Variants in FOXP1 observed in about 807,000 individuals in gnomAD.
FOXP1 encodes the protein forkhead box protein P1.
FOXP1 carries 15 observed loss-of-function variants against 98.2 expected under a neutral mutation model. The ratio of observed to expected loss-of-function variants is 0.15; its 90% confidence interval spans 0.10 to 0.24. The LOEUF (loss-of-function observed/expected upper bound fraction) is 0.24, where lower values mean the gene tolerates loss of function less well. FOXP1 is among the 10% of genes least tolerant of loss of function. FOXP1 has a pLI of 1.00. For missense variants in FOXP1, 633 were observed against 848.5 expected (o/e 0.75, Z 3.15); for synonymous variants, 371 against 314.5 (o/e 1.18, Z -1.90).
chr3:70,997,427 G>A (rs1162092127), intron 13 of FOXP1, among the ~76,000 whole-genome samples: 3 of 152,296 alleles, frequency 2.0e-5, no homozygotes, highest in East Asian at 1.9e-4. Flanking sequence ...ACTGTACTGT[G>A]TCCCAAATGC....
chr3:71,029,984 A>G (rs1029094590), intron 11 of FOXP1, among the ~76,000 whole-genome samples: 1 of 152,224 alleles, frequency 6.6e-6, no homozygotes, highest in Non-Finnish European at 1.5e-5. Context: ...ACTAAAACAT[A>G]TATTAACTCA....
Position 71,151,052 on chromosome 3 carries a change from G to T in FOXP1, c.181-38415C>A, listed in dbSNP as rs116662260. On this transcript the variant is annotated intron_variant, in intron 6 of 20. Coordinates refer to ENST00000649528, the MANE Select transcript of FOXP1 (RefSeq NM_001349338.3). ...AGCTGCTTACCTTACTGGTTTAAGA[G>T]CACTGGCTTTAGCACCTACCACACC... 3.0e-3 allele frequency among the ~76,000 whole-genome samples: 458 copies of T among 152,282 alleles called. 1 individual carries two copies. The highest frequency in any genetic ancestry group is 0.01 in the African/African-American group (426 of 41,528).
At chr3:71,573,040 A>C (rs2047455390) in intron 2 of FOXP1, among the ~76,000 whole-genome samples, 1 of 152,194 alleles carries the variant, frequency 6.6e-6, no homozygotes, top group Admixed American at 6.5e-5. Context: ...AATCCAATAT[A>C]AAATCTATTC....
chr3:71,222,403 C>T (rs148656993), intron 5 of FOXP1, among the ~76,000 whole-genome samples: 2 of 152,048 alleles, frequency 1.3e-5, no homozygotes, highest in African/African-American at 2.4e-5. Context: ...ACCCTTCACT[C>T]CCTTGGTATT....
intron 6 of FOXP1, among the ~76,000 whole-genome samples, chr3:71,175,395 C>T (rs2061886002): frequency 6.6e-6 from 1 of 152,222 alleles, no homozygotes; most frequent in Admixed American, 6.5e-5. Context: ...GGAATGGAGG[C>T]TCCCTGCCTC....
At chr3:71,564,605 T>G (rs2046774262) in intron 2 of FOXP1, among the ~76,000 whole-genome samples, 1 of 152,234 alleles carries the variant, frequency 6.6e-6, no homozygotes, top group African/African-American at 2.4e-5. Context: ...CTGACACACA[T>G]GACCACATTG....
chr3:71,112,567 G>A lies in FOXP1; in HGVS notation c.251C>T (p.Pro84Leu), dbSNP rs1337409401. ...AGCTGGTTGTTTGTCATTCCTCTTG[G>A]GAGATTTTAATCCACTAACTTGCTG... ...QQQQVSGLKS[P>L]KRNDKQPALQ... The change falls in exon 7 of 21, where the codon CCC (proline) becomes CTC (leucine). Residue 84 changes from proline to leucine, a missense_variant. Transcript: ENST00000649528. 2.5e-6 allele frequency: 4 copies of A among 1,613,930 alleles called. No individual in the cohort carries two copies. The highest frequency in any genetic ancestry group is 2.2e-5 in the South Asian group (2 of 91,068).
intron 4 of FOXP1, among the ~76,000 whole-genome samples, chr3:71,309,835 T>C (rs963481969): frequency 2.6e-5 from 4 of 151,912 alleles, no homozygotes; most frequent in African/African-American, 9.7e-5. Context: ...GACATATCTG[T>C]TCAGCCTCAA....
rs933245054 is a variant in FOXP1 at position 71,465,179 on chromosome 3, T to C, written c.-168+28247A>G. On this transcript the variant is annotated intron_variant, in intron 3 of 20. Transcript: ENST00000649528. ...AAAATTAGCTGGGCGTGGTGGCACATGTCTGTAATCCCGGCTACTTGGGAG... is the reference window on the plus strand; with the variant it reads ...AAAATTAGCTGGGCGTGGTGGCACACGTCTGTAATCCCGGCTACTTGGGAG... Among the ~76,000 whole-genome samples, 8 of 151,868 alleles carry C rather than the reference T, an allele frequency of 5.3e-5. No homozygotes were observed. In the East Asian group the frequency reaches 1.6e-3, roughly 29 times the overall value.
At chr3:71,220,975 C>T (rs1365558813) in intron 5 of FOXP1, among the ~76,000 whole-genome samples, 1 of 150,600 alleles carries the variant, frequency 6.6e-6, no homozygotes, top group Non-Finnish European at 1.5e-5. Flanking sequence ...TAGACTTAGA[C>T]ACACATATAT....
At chr3:71,573,567 T>G (rs1038875084) in intron 2 of FOXP1, 5 of 152,160 alleles carry the variant, frequency 3.3e-5, no homozygotes, top group Non-Finnish European at 5.9e-5. Flanking sequence ...GAAAATAAGA[T>G]GAACACATTT....
Position 71,313,206 on chromosome 3 carries a change from C to T in FOXP1, c.-72-13326G>A, listed in dbSNP as rs184794793. On this transcript the variant is annotated intron_variant, in intron 4 of 20. Coordinates refer to ENST00000649528, the MANE Select transcript of FOXP1 (RefSeq NM_001349338.3). ...TCCCGAGTAGCTAGGAATACAGGCG[C>T]CCGCCACCACGCCCAGCTAATTTTT... is the stretch of plus-strand genomic sequence containing the variant. 1.6e-3 allele frequency among the ~76,000 whole-genome samples: 239 copies of T among 151,418 alleles called. 4 individuals carry two copies. Among genetic ancestry groups the T allele is most frequent in the African/African-American group, 5.6e-3 (233 of 41,280 alleles).
At chr3:71,283,638 G>A (rs1410252708) in intron 5 of FOXP1, among the ~76,000 whole-genome samples, 1 of 152,176 alleles carries the variant, frequency 6.6e-6, no homozygotes, top group Non-Finnish European at 1.5e-5. Context: ...TACTCTTACT[G>A]TGCTAAGTGC....
At chr3:71,568,972 A>T (rs2047127808) in intron 2 of FOXP1, among the ~76,000 whole-genome samples, 1 of 152,194 alleles carries the variant, frequency 6.6e-6, no homozygotes, top group South Asian at 2.1e-4. Context: ...CAAATGCCTC[A>T]TAAGACTTGG....
chr3:71,203,938 G>GAGGAAGGAAGGAGGA (rs2063828057), intron 5 of FOXP1, among the ~76,000 whole-genome samples: 1 of 131,352 alleles, frequency 7.6e-6, no homozygotes, highest in Non-Finnish European at 1.6e-5. Flanking sequence ...GAAAAGGAAG[G>GAGGAAGGAAGGAGGA]AGGAAGGAAG....
At chr3:71,021,568 C>T (rs2045445072) in intron 11 of FOXP1, among the ~76,000 whole-genome samples, 1 of 152,174 alleles carries the variant, frequency 6.6e-6, no homozygotes, top group South Asian at 2.1e-4. Flanking sequence ...AGTTGAATTG[C>T]TGGGTCCTAT....
intron 3 of FOXP1, among the ~76,000 whole-genome samples, chr3:71,433,688 A>C (rs1372234855): frequency 6.6e-6 from 1 of 152,182 alleles, no homozygotes; most frequent in African/African-American, 2.4e-5. Flanking sequence ...CCCAGCTTGC[A>C]ATGTATTCTG....
intron 5 of FOXP1, among the ~76,000 whole-genome samples, chr3:71,253,620 C>T (rs1027759878): frequency 3.9e-5 from 6 of 152,170 alleles, no homozygotes; most frequent in African/African-American, 7.2e-5. Context: ...TTCTCTCTCC[C>T]TTCCACAAAT....
At chr3:71,383,884 T>G (rs1328368547) in intron 3 of FOXP1, among the ~76,000 whole-genome samples, 1 of 152,092 alleles carries the variant, frequency 6.6e-6, no homozygotes, top group African/African-American at 2.4e-5. Context: ...GAGGTCATGA[T>G]GTATAGAGAA....
Sources: gnomAD v4.1 joint callset for allele counts (sites outside exome capture counted in the v4.1 genomes callset) on GRCh38, gnomAD v4.1.1 for gene constraint, MANE v1.5 for transcripts, NCBI Gene and HGNC (gene_info 2026-07-23, HGNC 2026-07-21) for gene names.